MYO1B: variants seen among roughly 807,000 people sequenced by gnomAD.
MYO1B encodes the protein myosin IB.
A neutral mutation model predicts 159.7 loss-of-function variants in MYO1B; 72 were observed. That is an observed-to-expected ratio of 0.45 (90% CI 0.37 to 0.55). The LOEUF (loss-of-function observed/expected upper bound fraction) is 0.55, where lower values mean the gene tolerates loss of function less well. Ranked by LOEUF, MYO1B falls within the 20% of genes least tolerant of loss-of-function variation. The pLI is 0.00. For missense variants in MYO1B, 1,062 were observed against 1,364.8 expected (o/e 0.78, Z 3.50); for synonymous variants, 468 against 473.8 (o/e 0.99, Z 0.16).
At chr2:191,413,966 A>C (rs1697405353) in intron 27 of MYO1B, 82 bp from the exon 28 acceptor site, 2 of 1,415,174 alleles carry the variant, frequency 1.4e-6, no homozygotes, top group Non-Finnish European at 1.9e-6. Flanking sequence ...GCTACTCCTT[A>C]GAATCAACTG....
In MYO1B at chr2:191,370,346, A is replaced by G. The variant is rs1391629130; in HGVS notation, c.1185+54A>G. ...CTTTAGTAGAGTGGAATGGTTGGAAATTAAATCCTGTATTATGTAGACATT... is the reference window on the plus strand; with the variant it reads ...CTTTAGTAGAGTGGAATGGTTGGAAGTTAAATCCTGTATTATGTAGACATT... On this transcript the variant is annotated intron_variant, in intron 13 of 30. Transcript: ENST00000392318. The G allele has an allele frequency of 2.4e-6, 3 of 1,240,326 alleles. No homozygotes were observed. In the African/African-American group the frequency reaches 4.5e-5, roughly 18 times the overall value. 76.8% of individuals were successfully genotyped at this position (1,240,326 alleles called of 1,614,324 possible). A position where few individuals can be genotyped will look rare whatever the true frequency, so the allele number is the denominator to read the frequency against.
intron 6 of MYO1B, among the ~76,000 whole-genome samples, chr2:191,346,905 C>T (rs1303024263): frequency 6.6e-5 from 10 of 152,336 alleles, no homozygotes; most frequent in Middle Eastern, 3.4e-3. Context: ...TGCATGTTGA[C>T]GCAGTGGGCT....
intron 19 of MYO1B, 44 bp downstream of exon 19, chr2:191,392,245 G>T (rs191838098): frequency 2.8e-6 from 4 of 1,407,258 alleles, no homozygotes; most frequent in South Asian, 1.3e-5. Context: ...AGTTGGAATC[G>T]TATAGGAAAG....
chr2:191,387,589 TG>T, intron 17 of MYO1B, 139 bp downstream of exon 17: 1 of 755,092 alleles, frequency 1.3e-6, no homozygotes, highest in Non-Finnish European at 2.2e-6. Context: ...ATACCTTATC[TG>T]GGATTGGCTT....
chr2:191,248,137 A>G (rs1164003889), intron 1 of MYO1B: 2 of 521,190 alleles, frequency 3.8e-6, no homozygotes, highest in African/African-American at 2.1e-5. Flanking sequence ...GAACATTTGG[A>G]TTTTAATTAA....
intron 2 of MYO1B, among the ~76,000 whole-genome samples, chr2:191,279,776 C>A (rs535818686): frequency 2.6e-5 from 4 of 151,458 alleles, no homozygotes; most frequent in African/African-American, 7.3e-5. Context: ...TAAAAAAAAA[C>A]ATCTTTTAAG....
In MYO1B at chr2:191,396,467, A is replaced by G; in HGVS notation, c.2265A>G (p.Leu755=). ...ACCAGCAGACAAAGAGTTCCGCCTT[A>G]GTAATTCAGTCTTATATCCGGGGTT... ...KRYQQTKSSA[L]VIQSYIRGWK... The change falls in exon 21 of 31, where the codon TTA becomes TTG. Residue 755 remains leucine, a synonymous_variant. Transcript: ENST00000392318. 1 of 1,614,206 alleles carries G rather than the reference A, an allele frequency of 6.2e-7. No homozygotes were observed.
At chr2:191,356,354 TTTTGAG>T (rs1486098816) in intron 7 of MYO1B, among the ~76,000 whole-genome samples, 37 of 149,404 alleles carry the variant, frequency 2.5e-4, no homozygotes, top group African/African-American at 8.6e-4. Flanking sequence ...TTTTTTTTTT[TTTTGAG>T]TTTTGAGTTT....
chr2:191,296,350 G>A (rs1688982943), intron 3 of MYO1B, 124 bp downstream of exon 3: 7 of 396,482 alleles, frequency 1.8e-5, no homozygotes, highest in Non-Finnish European at 3.0e-5. Context: ...TAAAAAGTTT[G>A]ATAAAAGTAT....
In MYO1B at chr2:191,363,782, G is replaced by T; in HGVS notation, c.820G>T (p.Val274Leu). Reference protein sequence around the residue: ...MDHEAESVLAVVAAVLKLGNI... With the variant: ...MDHEAESVLALVAAVLKLGNI... ...TCATGAAGCTGAGTCTGTCTTGGCG[G>T]TGGTGGCAGCAGTGTTGAAACTGGG... The change falls in exon 10 of 31, where the codon GTG becomes TTG. Residue 274 changes from valine to leucine, a missense_variant. By Grantham distance (32) the Val-to-Leu change is conservative. Coordinates refer to ENST00000392318, the MANE Select transcript of MYO1B (RefSeq NM_001130158.3). 1 of 1,613,982 alleles carries T rather than the reference G, an allele frequency of 6.2e-7. No individual in the cohort carries two copies. The highest frequency in any genetic ancestry group is 1.3e-5 in the African/African-American group (1 of 74,990).
intron 3 of MYO1B, among the ~76,000 whole-genome samples, chr2:191,311,023 A>T (rs1012698327): frequency 6.6e-6 from 1 of 152,178 alleles, no homozygotes; most frequent in Non-Finnish European, 1.5e-5. Flanking sequence ...AAGAATACTG[A>T]TTTTAACCTT....
intron 13 of MYO1B, among the ~76,000 whole-genome samples, chr2:191,372,548 A>G (rs1436213566): frequency 1.3e-5 from 2 of 152,226 alleles, no homozygotes; most frequent in Admixed American, 1.3e-4. Flanking sequence ...CTTAGCCCTA[A>G]GATTGAGAGT....
chr2:191,258,058 A>C (rs192941654), intron 1 of MYO1B, among the ~76,000 whole-genome samples: 58 of 152,334 alleles, frequency 3.8e-4, no homozygotes, highest in African/African-American at 1.3e-3. Context: ...TAGAACCAAT[A>C]TATGTATCGC....
chr2:191,418,403 C>T (rs1697710018), intron 30 of MYO1B, among the ~76,000 whole-genome samples: 1 of 150,938 alleles, frequency 6.6e-6, no homozygotes, highest in Non-Finnish European at 1.5e-5. Flanking sequence ...CTCTAACAAA[C>T]CTAGATTCTG....
chr2:191,327,160 A>T (rs918196234), intron 3 of MYO1B, among the ~76,000 whole-genome samples: 2 of 152,198 alleles, frequency 1.3e-5, no homozygotes, highest in Non-Finnish European at 2.9e-5. Flanking sequence ...CCCATTGTTT[A>T]TCATTCTTCA....
At chr2:191,266,449 C>T (rs1687147015) in intron 1 of MYO1B, among the ~76,000 whole-genome samples, 1 of 152,088 alleles carries the variant, frequency 6.6e-6, no homozygotes, top group African/African-American at 2.4e-5. Flanking sequence ...TGGGGTGGAT[C>T]GAAAGGATCC....
chr2:191,347,814 T>TACCTAA (rs1692663993), intron 6 of MYO1B, among the ~76,000 whole-genome samples: 1 of 152,244 alleles, frequency 6.6e-6, no homozygotes, highest in Admixed American at 6.5e-5. Context: ...GTTACTACTG[T>TACCTAA]ACCTAACAGT....
rs1697547396 is a variant in MYO1B, at chr2:191,416,119, C to T, written c.3164C>T (p.Ser1055Leu). ...ACTCTTGGTTTGTCCTTGCAGGGCT[C>T]AGAAGCAGCTAGTAAAGGAGACTTT... ...GFFAVHLKEGSEAASKGDFLF... is the reference protein window; with the variant it reads ...GFFAVHLKEGLEAASKGDFLF... Residue 1055 changes from serine (S) to leucine (L), a missense_variant, in exon 30 of 31, where the codon TCA becomes TTA. Physicochemically the swap from Ser to Leu is moderately radical, Grantham distance 145 (BLOSUM62 -2). Transcript: ENST00000392318. The T allele has an allele frequency of 1.2e-6, 2 of 1,613,922 alleles. No individual in the cohort carries two copies. The highest frequency in any genetic ancestry group is 1.3e-5 in the African/African-American group (1 of 75,034).
intron 20 of MYO1B, 117 bp downstream of exon 20, chr2:191,393,339 T>C (rs1695876493): frequency 8.6e-7 from 1 of 1,166,748 alleles, no homozygotes; most frequent in African/African-American, 1.6e-5. Context: ...CCTCATGAGA[T>C]AATGGATGTT....
Sources: gnomAD v4.1 joint callset for allele counts (sites outside exome capture counted in the v4.1 genomes callset) on GRCh38, gnomAD v4.1.1 for gene constraint, MANE v1.5 for transcripts, NCBI Gene and HGNC (gene_info 2026-07-23, HGNC 2026-07-21) for gene names.